The following SOX6 variants were observed in gnomAD, a reference collection of about 807,000 sequenced individuals.
SOX6 encodes the protein transcription factor SOX-6.
SOX6 carries 11 observed loss-of-function variants against 97.8 expected under a neutral mutation model. That is an observed-to-expected ratio of 0.11 (90% CI 0.07 to 0.19). The LOEUF is 0.19. SOX6 is among the 10% of genes least tolerant of loss of function. The probability of loss-of-function intolerance (pLI) is 1.00; values close to 1 mark genes in which losing one functional copy is unlikely to be tolerated. For missense variants in SOX6, 810 were observed against 1,039.5 expected (o/e 0.78, Z 3.04); for synonymous variants, 360 against 371.4 (o/e 0.97, Z 0.35).
chr11:16,408,770 G>T (rs925438268), intron 1 of SOX6: 1 of 151,124 alleles, frequency 6.6e-6, no homozygotes, highest in Non-Finnish European at 1.5e-5. Flanking sequence ...TTGAACTCCT[G>T]TGCTCAAGGA....
intron 3 of SOX6, among the ~76,000 whole-genome samples, chr11:16,237,913 T>C (rs1853072561): frequency 6.6e-6 from 1 of 151,810 alleles, no homozygotes; most frequent in African/African-American, 2.4e-5. Context: ...TTTTTGGAAA[T>C]GGAAATAAAG....
At chr11:16,145,753 T>G (rs558365818) in intron 6 of SOX6, among the ~76,000 whole-genome samples, 1 of 152,272 alleles carries the variant, frequency 6.6e-6, no homozygotes, top group East Asian at 1.9e-4. Context: ...CATTCACAAT[T>G]GCTTCAAAGA....
At chr11:16,626,263 T>C (rs1363435948) in intron 3 of SOX6, among the ~76,000 whole-genome samples, 1 of 152,092 alleles carries the variant, frequency 6.6e-6, no homozygotes, top group Admixed American at 6.5e-5. Flanking sequence ...GCGAAGCTCA[T>C]TTTTTTTCCC....
chr11:16,226,442 G>C (rs942805065), intron 4 of SOX6, among the ~76,000 whole-genome samples: 2 of 151,890 alleles, frequency 1.3e-5, no homozygotes, highest in Non-Finnish European at 2.9e-5. Flanking sequence ...ACATTGCCCA[G>C]GGAGGCACCT....
At chr11:16,188,508 G>C (rs183357670) in intron 4 of SOX6, among the ~76,000 whole-genome samples, 5 of 151,920 alleles carry the variant, frequency 3.3e-5, no homozygotes, top group African/African-American at 4.8e-5. Flanking sequence ...TACAAAAGCA[G>C]GTTCCCAAAA....
chr11:16,538,676 T>C (rs987073943), intron 4 of SOX6, among the ~76,000 whole-genome samples: 5 of 152,114 alleles, frequency 3.3e-5, no homozygotes, highest in African/African-American at 1.2e-4. Context: ...GTTGCAATCC[T>C]AGTCTCTGAT....
At chr11:16,288,546 T>C (rs1854817591) in intron 3 of SOX6, among the ~76,000 whole-genome samples, 1 of 152,050 alleles carries the variant, frequency 6.6e-6, no homozygotes. Context: ...ACTGAAATGC[T>C]AAACATTGGT....
At chr11:16,215,786 A>T (rs530753592) in intron 4 of SOX6, among the ~76,000 whole-genome samples, 1 of 152,366 alleles carries the variant, frequency 6.6e-6, no homozygotes, top group Admixed American at 6.5e-5. Flanking sequence ...ACAATTCTCA[A>T]AAAAAGAAGT....
intron 3 of SOX6, among the ~76,000 whole-genome samples, chr11:16,254,682 A>G (rs1465960124): frequency 3.3e-5 from 5 of 152,046 alleles, no homozygotes; most frequent in Non-Finnish European, 7.4e-5. Flanking sequence ...TAAAACCACA[A>G]AAGGCAAAAA....
chr11:16,334,341 T>C (rs1488811034), intron 2 of SOX6, among the ~76,000 whole-genome samples: 1 of 152,148 alleles, frequency 6.6e-6, no homozygotes, highest in Non-Finnish European at 1.5e-5. Flanking sequence ...CACATGTTAA[T>C]GACTGGAGTG....
intron 3 of SOX6, among the ~76,000 whole-genome samples, chr11:16,660,996 C>A (rs1847761955): frequency 6.6e-6 from 1 of 152,158 alleles, no homozygotes; most frequent in South Asian, 2.1e-4. Flanking sequence ...TTCAACTATA[C>A]CCTTGCTAAT....
chr11:16,342,114 C>G (rs1221668540), intron 1 of SOX6, among the ~76,000 whole-genome samples: 5 of 151,948 alleles, frequency 3.3e-5, no homozygotes, highest in Non-Finnish European at 7.4e-5. Context: ...TATATGCCCA[C>G]AAATAAACAT....
chr11:16,331,231 T>C (rs1035639337), intron 2 of SOX6, among the ~76,000 whole-genome samples: 1 of 152,206 alleles, frequency 6.6e-6, no homozygotes, highest in African/African-American at 2.4e-5. Context: ...GTGTTTTACA[T>C]GAAAAGAAAT....
chr11:16,046,384 G>T, intron 12 of SOX6, 130 bp downstream of exon 12: 1 of 925,702 alleles, frequency 1.1e-6, no homozygotes, highest in Non-Finnish European at 1.7e-6. Context: ...TTTCAGTAAA[G>T]TACAAGACAG....
chr11:16,041,742 A>G (rs1483897765), intron 12 of SOX6, among the ~76,000 whole-genome samples: 1 of 152,182 alleles, frequency 6.6e-6, no homozygotes, highest in African/African-American at 2.4e-5. Flanking sequence ...AAATTTGAGT[A>G]TTATTATCAA....
chr11:16,186,283 C>A (rs1851473222), intron 5 of SOX6, among the ~76,000 whole-genome samples: 1 of 152,132 alleles, frequency 6.6e-6, no homozygotes, highest in African/African-American at 2.4e-5. Context: ...GGTATTATTA[C>A]TCTAGAAAAC....
At chr11:16,677,428 A>G (rs890682154) in intron 3 of SOX6, among the ~76,000 whole-genome samples, 6 of 152,164 alleles carry the variant, frequency 3.9e-5, no homozygotes, top group Admixed American at 6.6e-5. Context: ...AGTTTTAAAA[A>G]ACTCGATCTT....
In SOX6 at chr11:15,982,337, G is replaced by T. The variant is rs556811949; in HGVS notation, c.2183+3867C>A. On this transcript the variant is annotated intron_variant, in intron 15 of 15. Transcript: ENST00000683767. ...ATGATATTCCCTATCTTGTAAATTT[G>T]TTGTATTTGCAATAATCTGTATAAT... Among the ~76,000 whole-genome samples, 16 of 152,068 alleles carry T rather than the reference G, an allele frequency of 1.1e-4. No homozygotes were observed. The South Asian group carries it at 3.3e-3, about 32-fold the overall frequency.
At chr11:16,061,075 C>A (rs1442670186) in intron 9 of SOX6, among the ~76,000 whole-genome samples, 1 of 151,444 alleles carries the variant, frequency 6.6e-6, no homozygotes, top group Non-Finnish European at 1.5e-5. Context: ...ATATATGTGA[C>A]AAACAATTTT....
Sources: gnomAD v4.1 joint callset for allele counts (sites outside exome capture counted in the v4.1 genomes callset) on GRCh38, gnomAD v4.1.1 for gene constraint, MANE v1.5 for transcripts, NCBI Gene and HGNC (gene_info 2026-07-23, HGNC 2026-07-21) for gene names.